Variants in RBFOX3 observed in about 807,000 individuals in gnomAD.
RBFOX3 encodes the protein RNA binding fox-1 homolog 3, also known as RNA binding protein fox-1 homolog 3.
A neutral mutation model predicts 48.7 loss-of-function variants in RBFOX3; 17 were observed. That is an observed-to-expected ratio of 0.35 (90% CI 0.24 to 0.52). The LOEUF (loss-of-function observed/expected upper bound fraction) is 0.52. RBFOX3 is among the 20% of genes least tolerant of loss of function. The pLI is 0.94. For missense variants in RBFOX3, 382 were observed against 497.5 expected, an observed-to-expected ratio of 0.77 and a Z score of 2.21; for synonymous variants, 212 against 209.5, an observed-to-expected ratio of 1.01 and a Z score of -0.10.
chr17:79,615,621 C>T (rs2093990714), upstream of RBFOX3, among the ~76,000 whole-genome samples: 1 of 152,322 alleles, frequency 6.6e-6, no homozygotes, highest in South Asian at 2.1e-4. Context: ...CCGGCCGGCT[C>T]GGGCCGTGTT....
intron 4 of RBFOX3, among the ~76,000 whole-genome samples, chr17:79,194,342 C>T (rs914992924): frequency 6.6e-6 from 1 of 152,102 alleles, no homozygotes; most frequent in South Asian, 2.1e-4. Context: ...TGCGGTGGCT[C>T]ACACCTGTAA....
chr17:79,387,248 T>C (rs1425826941), intron 2 of RBFOX3, among the ~76,000 whole-genome samples: 2 of 152,214 alleles, frequency 1.3e-5, no homozygotes, highest in Non-Finnish European at 2.9e-5. Flanking sequence ...TAAAAACTGA[T>C]CTGATACAGC....
chr17:79,540,678 G>A (rs1351817060), intron 1 of RBFOX3, among the ~76,000 whole-genome samples: 10 of 152,236 alleles, frequency 6.6e-5, no homozygotes, highest in Admixed American at 6.5e-4. Context: ...AGAGCGGGGA[G>A]CTACACTCGG....
At chr17:79,317,361 C>T (rs1266020963) in intron 2 of RBFOX3, among the ~76,000 whole-genome samples, 1 of 152,250 alleles carries the variant, frequency 6.6e-6, no homozygotes, top group African/African-American at 2.4e-5. Context: ...ATGGCCTTGG[C>T]TCAGACCCAC....
intron 2 of RBFOX3, among the ~76,000 whole-genome samples, chr17:79,309,530 T>C (rs2076551098): frequency 6.6e-6 from 1 of 152,196 alleles, no homozygotes; most frequent in African/African-American, 2.4e-5. Flanking sequence ...GACATCTGCA[T>C]GTTCAGGCCT....
chr17:79,215,710 A>C (rs1322490841), intron 4 of RBFOX3, among the ~76,000 whole-genome samples: 1 of 152,256 alleles, frequency 6.6e-6, no homozygotes, highest in African/African-American at 2.4e-5. Flanking sequence ...GACGTAGCCC[A>C]GCAGGAGCGT....
rs1459779712 is a variant in RBFOX3 at position 79,483,455 on chromosome 17, C to T, written c.-319-857G>A. Among the ~76,000 whole-genome samples the T allele has an allele frequency of 3.3e-3, 423 of 127,464 alleles. 1 individual carries two copies. Among genetic ancestry groups the T allele is most frequent in the Non-Finnish European group, 4.4e-3 (261 of 58,798 alleles). The allele number at this position is 127,464 out of a possible 152,430, so 83.6% of individuals were successfully genotyped here. A position where few individuals can be genotyped will look rare whatever the true frequency, so the allele number is the denominator to read the frequency against. On this transcript the variant is annotated intron_variant, in intron 1 of 14. Coordinates refer to ENST00000693108, the MANE Select transcript of RBFOX3 (RefSeq NM_001350451.2). Reference sequence around the variant, plus strand: ...AATTGCAGGCCTCCCTCCCTCCCTCCCTCCCTGCCTGCCTGCCTACCTGCC... The same window carrying T: ...AATTGCAGGCCTCCCTCCCTCCCTCTCTCCCTGCCTGCCTGCCTACCTGCC...
intron 2 of RBFOX3, among the ~76,000 whole-genome samples, chr17:79,453,241 A>G (rs997056373): frequency 1.3e-5 from 2 of 152,184 alleles, no homozygotes; most frequent in Non-Finnish European, 2.9e-5. Flanking sequence ...TGCTGGCCAC[A>G]CCCTAAGTCC....
chr17:79,250,395 G>A (rs1035883254), intron 3 of RBFOX3, among the ~76,000 whole-genome samples: 14 of 152,194 alleles, frequency 9.2e-5, no homozygotes, highest in African/African-American at 3.4e-4. Context: ...GATAAATTGC[G>A]AATGTGTTTA....
At chr17:79,595,649 C>T (rs1469424802) in intron 1 of RBFOX3, among the ~76,000 whole-genome samples, 2 of 152,164 alleles carry the variant, frequency 1.3e-5, no homozygotes, top group East Asian at 3.9e-4. Context: ...ATGCCAGCCG[C>T]GCAGAGGGGA....
At chr17:79,155,017 C>T (rs2045460462) in intron 4 of RBFOX3, among the ~76,000 whole-genome samples, 1 of 143,422 alleles carries the variant, frequency 7.0e-6, no homozygotes, top group South Asian at 2.5e-4. Context: ...CCGTGCCAGG[C>T]ATCCAAAGGG....
At chr17:79,096,275 C>G (rs2075237930) in intron 12 of RBFOX3, among the ~76,000 whole-genome samples, 1 of 152,180 alleles carries the variant, frequency 6.6e-6, no homozygotes, top group Non-Finnish European at 1.5e-5. Flanking sequence ...AGGGGCCCTG[C>G]CTCCTGGCCC....
Position 79,420,429 on chromosome 17 carries a change from G to A in RBFOX3, c.-175+62025C>T, listed in dbSNP as rs367690835. 2.0e-5 allele frequency among the ~76,000 whole-genome samples: 3 copies of A among 152,218 alleles called. No homozygotes were observed. In the East Asian group the frequency reaches 5.8e-4, roughly 29 times the overall value. On this transcript the variant is annotated intron_variant, in intron 2 of 14. Coordinates refer to ENST00000693108, the MANE Select transcript of RBFOX3 (RefSeq NM_001350451.2). ...AAGGGAGCATGGGAGGAAAGTGTGAGTCAGCGGCCCCAGGGCTGCTGGGCG... is the reference window on the plus strand; with the variant it reads ...AAGGGAGCATGGGAGGAAAGTGTGAATCAGCGGCCCCAGGGCTGCTGGGCG...
At chr17:79,450,372 G>A (rs1192540865) in intron 2 of RBFOX3, among the ~76,000 whole-genome samples, 1 of 152,118 alleles carries the variant, frequency 6.6e-6, no homozygotes, top group Non-Finnish European at 1.5e-5. Flanking sequence ...AAAAACACCG[G>A]AGCCTATAGG....
intron 4 of RBFOX3, among the ~76,000 whole-genome samples, chr17:79,120,424 T>C (rs1206706966): frequency 6.7e-6 from 1 of 150,098 alleles, no homozygotes; most frequent in Non-Finnish European, 1.5e-5. Context: ...GGTGGGTAGA[T>C]GAGTGGATGG....
rs561423383 is a variant in RBFOX3, at chr17:79,334,213, C to T, written c.-174-26389G>A. Among the ~76,000 whole-genome samples, 49 of 152,280 alleles carry T rather than the reference C, an allele frequency of 3.2e-4. 1 individual carries two copies. The highest frequency in any genetic ancestry group is 1.1e-3 in the African/African-American group (46 of 41,548). On this transcript the variant is annotated intron_variant, in intron 2 of 14. Transcript: ENST00000693108. Reference sequence around the variant, plus strand: ...ATCTTTAGCTTGGGCCTCCCTCTCTCGAGACTCCTGTGTCCTAGTAGACAC... The same window carrying T: ...ATCTTTAGCTTGGGCCTCCCTCTCTTGAGACTCCTGTGTCCTAGTAGACAC...
At chr17:79,268,604 T>C (rs1057185830) in intron 3 of RBFOX3, among the ~76,000 whole-genome samples, 5 of 152,158 alleles carry the variant, frequency 3.3e-5, no homozygotes, top group Admixed American at 3.3e-4. Context: ...CCCAAGCCCC[T>C]GGCCTGCACA....
chr17:79,478,019 G>A (rs935543302), intron 2 of RBFOX3, among the ~76,000 whole-genome samples: 12 of 152,148 alleles, frequency 7.9e-5, no homozygotes, highest in Non-Finnish European at 1.3e-4. Flanking sequence ...CGTCCCATCC[G>A]CTTCTGGTAT....
At chr17:79,553,580 G>T (rs1174690111) in intron 1 of RBFOX3, among the ~76,000 whole-genome samples, 2 of 152,160 alleles carry the variant, frequency 1.3e-5, no homozygotes, top group Non-Finnish European at 2.9e-5. Flanking sequence ...ATTCCCCTGT[G>T]GAACCATTCA....
Sources: allele counts gnomAD v4.1 joint callset (sites outside exome capture counted in the v4.1 genomes callset), GRCh38; gene constraint gnomAD v4.1.1; transcripts MANE v1.5; gene names NCBI Gene and HGNC (gene_info 2026-07-23, HGNC 2026-07-21).